Variants in SRPK2 observed in about 807,000 individuals in gnomAD.
SRPK2 encodes SFRS protein kinase 2.
In SRPK2, 21 loss-of-function variants were observed where a neutral mutation model predicts 90.8. That is an observed-to-expected ratio of 0.23 (90% CI 0.16 to 0.33). The LOEUF (loss-of-function observed/expected upper bound fraction) is 0.33. SRPK2 is among the 10% of genes least tolerant of loss of function. SRPK2 has a pLI of 1.00. For synonymous variants in SRPK2, 288 were observed against 311.1 expected (o/e 0.93, Z 0.78); for missense variants, 620 against 869.0 (o/e 0.71, Z 3.60).
At chr7:105,343,439 A>C (rs1057306216) in intron 2 of SRPK2, among the ~76,000 whole-genome samples, 1 of 152,212 alleles carries the variant, frequency 6.6e-6, no homozygotes, top group African/African-American at 2.4e-5. Context: ...GACTCAAAAA[A>C]AACAACAACA....
chr7:105,209,405 G>A (rs1435524683), intron 2 of SRPK2, among the ~76,000 whole-genome samples: 1 of 152,114 alleles, frequency 6.6e-6, no homozygotes, highest in Non-Finnish European at 1.5e-5. Context: ...TTAGCTGGGC[G>A]TGGTGGCACA....
At chr7:105,382,552 CAAAAAAA>C (rs71152969) in intron 2 of SRPK2, among the ~76,000 whole-genome samples, 12 of 75,908 alleles carry the variant, frequency 1.6e-4, no homozygotes, top group African/African-American at 5.3e-4. Flanking sequence ...AACTCCATCT[CAAAAAAA>C]AAAAAAAAAA....
At chr7:105,132,763 T>C (rs1265122470) in intron 13 of SRPK2, 28 bp downstream of exon 13, 3 of 1,569,002 alleles carry the variant, frequency 1.9e-6, no homozygotes, top group South Asian at 1.1e-5. Flanking sequence ...CCAATTCCCA[T>C]GGCAGCAAAG....
At chr7:105,140,866 C>A (rs1323074061) in intron 11 of SRPK2, among the ~76,000 whole-genome samples, 1 of 151,548 alleles carries the variant, frequency 6.6e-6, no homozygotes, top group Non-Finnish European at 1.5e-5. Context: ...GAGGCTGGGG[C>A]GGGAGAATCG....
chr7:105,140,314 C>G (rs1803520389), intron 11 of SRPK2, among the ~76,000 whole-genome samples: 1 of 152,140 alleles, frequency 6.6e-6, no homozygotes, highest in Non-Finnish European at 1.5e-5. Context: ...AAAAAAGGTA[C>G]TTTGAGCTGG....
At chr7:105,366,367 C>CCT (rs1554523923) in intron 2 of SRPK2, among the ~76,000 whole-genome samples, 1 of 139,322 alleles carries the variant, frequency 7.2e-6, no homozygotes, top group African/African-American at 2.7e-5. Flanking sequence ...ACAGGTATGC[C>CCT]TTTTTTTTTT....
intron 2 of SRPK2, among the ~76,000 whole-genome samples, chr7:105,364,201 A>G (rs1034961338): frequency 1.3e-5 from 2 of 152,100 alleles, no homozygotes; most frequent in Non-Finnish European, 2.9e-5. Flanking sequence ...TAATAAAATA[A>G]TTTTTAATAA....
At chr7:105,170,597 T>C (rs1790688207) in intron 3 of SRPK2, among the ~76,000 whole-genome samples, 1 of 150,164 alleles carries the variant, frequency 6.7e-6, no homozygotes, top group Non-Finnish European at 1.5e-5. Flanking sequence ...GGGAGGCTGA[T>C]GAAGAAGAAT....
intron 2 of SRPK2, among the ~76,000 whole-genome samples, chr7:105,319,855 C>T (rs1338920398): frequency 1.4e-5 from 2 of 142,414 alleles, no homozygotes; most frequent in African/African-American, 5.2e-5. Flanking sequence ...ACATCACTTC[C>T]CCCCCTTTTT....
intron 2 of SRPK2, among the ~76,000 whole-genome samples, chr7:105,219,363 A>G (rs754958587): frequency 3.3e-5 from 5 of 152,346 alleles, no homozygotes; most frequent in Middle Eastern, 6.8e-3. Context: ...CGCCCTGGAC[A>G]GGAATACGGA....
intron 2 of SRPK2, among the ~76,000 whole-genome samples, chr7:105,342,111 A>C (rs1815881072): frequency 6.6e-6 from 1 of 151,002 alleles, no homozygotes; most frequent in Non-Finnish European, 1.5e-5. Context: ...TAAAAATACA[A>C]AAAATTAGCT....
intron 2 of SRPK2, among the ~76,000 whole-genome samples, chr7:105,260,512 A>G (rs1804063824): frequency 6.6e-6 from 1 of 152,190 alleles, no homozygotes; most frequent in Non-Finnish European, 1.5e-5. Flanking sequence ...ATACCATTTG[A>G]CCCAGCAATC....
intron 2 of SRPK2, chr7:105,245,032 C>CA (rs1230455395): frequency 6.8e-6 from 4 of 587,894 alleles, no homozygotes; most frequent in East Asian, 3.8e-5. Flanking sequence ...CAAAACAAAA[C>CA]AAACACACAC....
rs537364133 is a variant in SRPK2 at position 105,211,191 on chromosome 7, T to G, written c.72-7406A>C. Among the ~76,000 whole-genome samples the G allele has an allele frequency of 7.6e-4, 115 of 152,198 alleles. 2 individuals are homozygous for G. In the South Asian group the frequency reaches 0.022, roughly 29 times the overall value. ...GAATACACTGCCAAGTTCCTCAAAC[T>G]GTACTAGAGTAGATCATGGAGAATT... is the stretch of plus-strand genomic sequence containing the variant. On this transcript the variant is annotated intron_variant, in intron 2 of 15. Transcript: ENST00000393651.
rs559905477 is a variant in SRPK2, at chr7:105,233,578, C to T, written c.72-29793G>A. Among the ~76,000 whole-genome samples the T allele has an allele frequency of 9.2e-5, 14 of 152,216 alleles. No homozygotes were observed. The South Asian group carries it at 2.3e-3, about 25-fold the overall frequency. On this transcript the variant is annotated intron_variant, in intron 2 of 15. Transcript: ENST00000393651. ...CTGTAAAAATAAAATACGGGCTGGG[C>T]GCAGTGGCTCACACCTGTTATCCCC...
rs1225015605 is a variant in SRPK2 at position 105,168,109 on chromosome 7, CAAAAA to C, written c.339-19_339-15del. 6.3e-7 allele frequency: 1 copy of C among 1,582,926 alleles called. No homozygotes were observed. The highest frequency in any genetic ancestry group is 1.8e-5 in the Admixed American group (1 of 56,656). Reference sequence around the variant, plus strand: ...AATCTTTTCCCCCTAAAAGAAAAAACAAAAAAAGAGTCTATTTATCTATATTATCA... The same window carrying C: ...AATCTTTTCCCCCTAAAAGAAAAAACAAGAGTCTATTTATCTATATTATCA... On this transcript the variant is annotated splice_polypyrimidine_tract_variant and intron_variant, in intron 4 of 15. Transcript: ENST00000393651.
chr7:105,115,113 A>ATCTT (rs1335316614), downstream of SRPK2, among the ~76,000 whole-genome samples: 7 of 152,224 alleles, frequency 4.6e-5, no homozygotes, highest in African/African-American at 1.7e-4. Context: ...GAACTGCAGA[A>ATCTT]TCTTATACAT....
chr7:105,284,073 T>C (rs968655314), intron 2 of SRPK2, among the ~76,000 whole-genome samples: 24 of 152,204 alleles, frequency 1.6e-4, no homozygotes, highest in Non-Finnish European at 5.9e-5. Context: ...TTTTTTTGTT[T>C]GTTTGTTTTT....
At chr7:105,298,358 C>CAG (rs1162250761) in intron 2 of SRPK2, among the ~76,000 whole-genome samples, 1 of 152,122 alleles carries the variant, frequency 6.6e-6, no homozygotes, top group African/African-American at 2.4e-5. Context: ...ATGGATGTAT[C>CAG]AGAGTTTGTT....
Sources: gnomAD v4.1 joint callset for allele counts (sites outside exome capture counted in the v4.1 genomes callset) on GRCh38, gnomAD v4.1.1 for gene constraint, MANE v1.5 for transcripts, NCBI Gene and HGNC (gene_info 2026-07-23, HGNC 2026-07-21) for gene names.